PALLD: variants seen among roughly 807,000 people sequenced by gnomAD.
PALLD encodes palladin.
Under a neutral mutation model 123.5 loss-of-function variants are expected in PALLD, and 61 were observed. The ratio of observed to expected loss-of-function variants is 0.49; its 90% CI spans 0.40 to 0.61. The LOEUF is 0.61. PALLD is among the 20% of genes least tolerant of loss of function. The pLI is 0.00. For missense variants in PALLD, 1,273 were observed against 1,377.0 expected (o/e 0.92, Z 1.20); for synonymous variants, 465 against 496.4 (o/e 0.94, Z 0.84).
chr4:168,618,441 G>A (rs763309762), intron 2 of PALLD, among the ~76,000 whole-genome samples: 1 of 152,114 alleles, frequency 6.6e-6, no homozygotes, highest in Non-Finnish European at 1.5e-5. Flanking sequence ...CTTTGGGCAC[G>A]ATCATCTCCA....
chr4:168,575,700 C>A (rs1769498287), intron 2 of PALLD, among the ~76,000 whole-genome samples: 1 of 152,050 alleles, frequency 6.6e-6, no homozygotes, highest in South Asian at 2.1e-4. Context: ...CAGTTTCATG[C>A]ACCTATGAAT....
intron 2 of PALLD, chr4:168,530,515 T>G (rs549970417): frequency 1.3e-5 from 2 of 152,362 alleles, no homozygotes; most frequent in East Asian, 3.9e-4. Context: ...TCGCCAATTT[T>G]ATGGTTTGTG....
At chr4:168,922,098 T>TACACACACACAC (rs1351389289) in intron 18 of PALLD, among the ~76,000 whole-genome samples, 1 of 107,620 alleles carries the variant, frequency 9.3e-6, no homozygotes, top group African/African-American at 3.1e-5. Flanking sequence ...TATATATATA[T>TACACACACACAC]ATATACACAC....
intron 1 of PALLD, among the ~76,000 whole-genome samples, chr4:168,503,633 C>T (rs1402930228): frequency 5.1e-5 from 7 of 136,724 alleles, no homozygotes; most frequent in East Asian, 2.1e-4. Context: ...GGCAACAGAG[C>T]GAGACTCCAT....
chr4:168,925,709 AATTT>A (rs1762453131), intron 21 of PALLD, among the ~76,000 whole-genome samples: 1 of 152,160 alleles, frequency 6.6e-6, no homozygotes, highest in African/African-American at 2.4e-5. Context: ...AAAAATTAAG[AATTT>A]ATTTAAGAAT....
intron 15 of PALLD, among the ~76,000 whole-genome samples, chr4:168,909,688 T>C (rs1224375063): frequency 6.6e-6 from 1 of 152,214 alleles, no homozygotes; most frequent in Non-Finnish European, 1.5e-5. Context: ...AGCATTAATG[T>C]GCATCAGAGC....
At chr4:168,818,681 A>G (rs569123217) in intron 10 of PALLD, among the ~76,000 whole-genome samples, 1 of 152,238 alleles carries the variant, frequency 6.6e-6, no homozygotes, top group Non-Finnish European at 1.5e-5. Flanking sequence ...GGGAAAAGAA[A>G]TGTATAAGCC....
Position 168,600,046 on chromosome 4 carries a change from T to C in PALLD, c.909-68144T>C, listed in dbSNP as rs113846738. Among the ~76,000 whole-genome samples, 798 of 144,862 alleles carry C rather than the reference T, an allele frequency of 5.5e-3. 12 individuals carry two copies. The highest frequency in any genetic ancestry group is 0.02 in the African/African-American group (730 of 37,286). ...GTACACACACATACATACATGTGTA[T>C]ACACACATATATACATACATGTGTA... On this transcript the variant is annotated intron_variant, in intron 2 of 21. Transcript: ENST00000505667.
At chr4:168,741,460 T>C (rs939663755) in intron 10 of PALLD, among the ~76,000 whole-genome samples, 4 of 152,034 alleles carry the variant, frequency 2.6e-5, no homozygotes, top group African/African-American at 9.7e-5. Context: ...GAGGATTGCC[T>C]GAGGCCAAGG....
chr4:168,516,592 C>G (rs1164966382), intron 2 of PALLD, among the ~76,000 whole-genome samples: 2 of 151,884 alleles, frequency 1.3e-5, no homozygotes, highest in Non-Finnish European at 2.9e-5. Context: ...AAATGATGTG[C>G]CTAGTAATAC....
chr4:168,634,636 C>T (rs528816998), intron 2 of PALLD, among the ~76,000 whole-genome samples: 1 of 152,318 alleles, frequency 6.6e-6, no homozygotes, highest in Admixed American at 6.5e-5. Flanking sequence ...TAGCGACTCC[C>T]CGTCTACTCC....
At chr4:168,591,301 G>A (rs1329292394) in intron 2 of PALLD, among the ~76,000 whole-genome samples, 1 of 152,180 alleles carries the variant, frequency 6.6e-6, no homozygotes, top group East Asian at 1.9e-4. Flanking sequence ...CTATGAGTCT[G>A]CCTGCTGAGG....
intron 2 of PALLD, among the ~76,000 whole-genome samples, chr4:168,637,808 G>T (rs1010830397): frequency 6.6e-6 from 1 of 152,080 alleles, no homozygotes; most frequent in Non-Finnish European, 1.5e-5. Context: ...GTTGGGCATG[G>T]TGGTGAGTAC....
chr4:168,737,565 C>CT (rs1278287954), intron 10 of PALLD, among the ~76,000 whole-genome samples: 3 of 151,924 alleles, frequency 2.0e-5, no homozygotes, highest in Non-Finnish European at 4.4e-5. Context: ...TAAAAAGGGG[C>CT]TTTGCAGTCA....
At chr4:168,668,415 C>T in intron 3 of PALLD, 47 bp downstream of exon 3, 1 of 1,468,486 alleles carries the variant, frequency 6.8e-7, no homozygotes, top group African/African-American at 1.4e-5. Flanking sequence ...TGTCAATGGT[C>T]TAATGACTCC....
chr4:168,558,354 C>T (rs1252610749), intron 2 of PALLD, among the ~76,000 whole-genome samples: 1 of 152,204 alleles, frequency 6.6e-6, no homozygotes, highest in Non-Finnish European at 1.5e-5. Context: ...GTACACTTTA[C>T]CTTTCTCAGG....
intron 2 of PALLD, among the ~76,000 whole-genome samples, chr4:168,532,626 T>C (rs528441112): frequency 3.9e-5 from 6 of 152,242 alleles, no homozygotes; most frequent in South Asian, 2.1e-4. Flanking sequence ...TTTCAGAGGA[T>C]TGTCTGAAAA....
At chr4:168,552,024 A>G (rs1338341068) in intron 2 of PALLD, among the ~76,000 whole-genome samples, 1 of 152,128 alleles carries the variant, frequency 6.6e-6, no homozygotes, top group Non-Finnish European at 1.5e-5. Context: ...AACCTTTGAG[A>G]TGTATACATT....
intron 2 of PALLD, chr4:168,536,547 C>G (rs1395961871): frequency 6.6e-6 from 1 of 152,192 alleles, no homozygotes; most frequent in African/African-American, 2.4e-5. Flanking sequence ...AGGAAACTTA[C>G]AATTATGGCG....
Sources: allele counts gnomAD v4.1 joint callset (sites outside exome capture counted in the v4.1 genomes callset), GRCh38; gene constraint gnomAD v4.1.1; transcripts MANE v1.5; gene names NCBI Gene and HGNC (gene_info 2026-07-23, HGNC 2026-07-21).